The following ZNF804B variants were observed in gnomAD, a reference collection of about 807,000 sequenced individuals.
The protein encoded by ZNF804B is zinc finger 804B.
ZNF804B carries 80 observed loss-of-function variants against 101.4 expected under a neutral mutation model. The observed-to-expected ratio is 0.79, with a 90% CI of 0.66 to 0.95. ZNF804B has a LOEUF of 0.95. ZNF804B is among the 40% of genes least tolerant of loss of function. ZNF804B has a pLI of 0.00. For missense variants in ZNF804B, 1,673 were observed against 1,561.9 expected, an observed-to-expected ratio of 1.07 and a Z score of -1.20; for synonymous variants, 622 against 558.8, an observed-to-expected ratio of 1.11 and a Z score of -1.59.
At chr7:89,119,040 G>T (rs1452746738) in intron 1 of ZNF804B, among the ~76,000 whole-genome samples, 1 of 152,088 alleles carries the variant, frequency 6.6e-6, no homozygotes, top group Non-Finnish European at 1.5e-5. Context: ...TAAGCCAATT[G>T]TATCAGTTAA....
At chr7:89,264,756 A>G (rs550575185) in intron 2 of ZNF804B, among the ~76,000 whole-genome samples, 1 of 152,240 alleles carries the variant, frequency 6.6e-6, no homozygotes, top group South Asian at 2.1e-4. Context: ...ATATATTCTC[A>G]TAATTTAGAA....
At chr7:88,980,063 T>C (rs1793674862) in intron 1 of ZNF804B, among the ~76,000 whole-genome samples, 1 of 151,852 alleles carries the variant, frequency 6.6e-6, no homozygotes, top group Admixed American at 6.6e-5. Context: ...TTCTGCTTGA[T>C]TCTTTTTTTT....
At chr7:89,285,546 AAAGAAGAAGAAGAAG>A (rs774736524) in intron 2 of ZNF804B, among the ~76,000 whole-genome samples, 48 of 93,444 alleles carry the variant, frequency 5.1e-4, no homozygotes, top group African/African-American at 2.2e-3. Context: ...AAAAAAAAAA[AAAGAAGAAGAAGAAG>A]AAGAAGAAGA....
At position 89,266,275 on chromosome 7, in the gene ZNF804B, T is replaced by G. The variant is rs143566285; in HGVS notation, c.249+47980T>G. Among the ~76,000 whole-genome samples, 25 of 152,224 alleles carry G rather than the reference T, an allele frequency of 1.6e-4. No homozygotes were observed. In the East Asian group the frequency reaches 3.3e-3, roughly 20 times the overall value. On this transcript the variant is annotated intron_variant, in intron 2 of 3. Coordinates refer to ENST00000333190, the MANE Select transcript of ZNF804B (RefSeq NM_181646.5). ...CAAGGTTTACTTATTTTTTCTCTTT[T>G]CTCATCATCAGCCAGCTATGAAAAA... is the stretch of plus-strand genomic sequence containing the variant.
intron 1 of ZNF804B, among the ~76,000 whole-genome samples, chr7:89,067,216 G>T (rs1156697996): frequency 6.6e-6 from 1 of 152,142 alleles, no homozygotes; most frequent in Non-Finnish European, 1.5e-5. Flanking sequence ...GACTAAGCAA[G>T]TCTGAAATCA....
At chr7:89,305,833 A>G (rs1202225593) in intron 2 of ZNF804B, among the ~76,000 whole-genome samples, 2 of 152,008 alleles carry the variant, frequency 1.3e-5, no homozygotes, top group South Asian at 2.1e-4. Context: ...TTATTCATCC[A>G]TAGATTTACA....
chr7:89,334,487 G>C lies in ZNF804B; in HGVS notation c.1505G>C (p.Gly502Ala), dbSNP rs1791041146. The C allele has an allele frequency of 2.5e-6, 4 of 1,613,710 alleles. No homozygotes were observed. The highest frequency in any genetic ancestry group is 3.4e-6 in the Non-Finnish European group (4 of 1,179,822). ...CTAGAGGACTTAAAAACAGAATTGG[G>C]TAAGAAGCCCTTGGAATTGAAGACT... The part of the protein sequence containing the change: ...HNLEDLKTEL[G>A]KKPLELKTKR... The change falls in exon 4 of 4, where the codon GGT (glycine) becomes GCT (alanine). Residue 502 changes from glycine (G) to alanine (A), a missense_variant. By Grantham distance (60) the Gly-to-Ala change is moderately conservative. Transcript: ENST00000333190.
intron 1 of ZNF804B, among the ~76,000 whole-genome samples, chr7:88,800,355 GTTTGGTAA>G (rs1790559298): frequency 1.3e-5 from 2 of 152,036 alleles, no homozygotes; most frequent in African/African-American, 4.8e-5. Context: ...ACGGAACAGT[GTTTGGTAA>G]TTACTTATCA....
At chr7:89,021,791 G>T (rs1241566096) in intron 1 of ZNF804B, among the ~76,000 whole-genome samples, 1 of 152,142 alleles carries the variant, frequency 6.6e-6, no homozygotes, top group Admixed American at 6.6e-5. Flanking sequence ...AGGTAAAGTG[G>T]CTACTGGCTC....
intron 1 of ZNF804B, among the ~76,000 whole-genome samples, chr7:89,011,018 A>T (rs1788452626): frequency 6.6e-6 from 1 of 152,186 alleles, no homozygotes; most frequent in Admixed American, 6.5e-5. Flanking sequence ...AGACTGGGTA[A>T]TTTGTAAAGA....
chr7:88,822,684 A>G (rs1395310763), intron 1 of ZNF804B, among the ~76,000 whole-genome samples: 1 of 152,208 alleles, frequency 6.6e-6, no homozygotes, highest in Non-Finnish European at 1.5e-5. Flanking sequence ...CAGCAGCACC[A>G]CAATCTTGTA....
At chr7:89,034,000 A>T (rs910461043) in intron 1 of ZNF804B, among the ~76,000 whole-genome samples, 8 of 152,078 alleles carry the variant, frequency 5.3e-5, no homozygotes, top group Non-Finnish European at 1.0e-4. Flanking sequence ...CACGAAGAAA[A>T]CATAATAATG....
rs558857618 is a variant in ZNF804B, at chr7:88,873,863, G to T, written c.108+113779G>T. Reference sequence around the variant, plus strand: ...TTGGTACCAGTACCACACTGTTTTGGTTACTGTAGCCTTGTAGTATAGTTT... The same window carrying T: ...TTGGTACCAGTACCACACTGTTTTGTTTACTGTAGCCTTGTAGTATAGTTT... On this transcript the variant is annotated intron_variant, in intron 1 of 3. Transcript: ENST00000333190. Among the ~76,000 whole-genome samples, 16 of 152,188 alleles carry T rather than the reference G, an allele frequency of 1.1e-4. No homozygotes were observed. The South Asian group carries it at 3.1e-3, about 30-fold the overall frequency.
intron 1 of ZNF804B, among the ~76,000 whole-genome samples, chr7:88,983,462 G>C (rs1793719459): frequency 6.6e-6 from 1 of 151,952 alleles, no homozygotes; most frequent in Non-Finnish European, 1.5e-5. Context: ...GATGCTACTA[G>C]TTTGGGAATC....
intron 1 of ZNF804B, among the ~76,000 whole-genome samples, chr7:89,035,708 G>T (rs1483141813): frequency 6.6e-6 from 1 of 150,774 alleles, no homozygotes; most frequent in Non-Finnish European, 1.5e-5. Flanking sequence ...AAAATGTAAT[G>T]AGCCAAAAAA....
At chr7:88,991,915 T>A (rs74793231) in intron 1 of ZNF804B, among the ~76,000 whole-genome samples, 7 of 152,266 alleles carry the variant, frequency 4.6e-5, no homozygotes, top group African/African-American at 1.7e-4. Context: ...TTGAGATAAT[T>A]TTCTAAAATG....
At chr7:89,023,145 C>T (rs1584079349) in intron 1 of ZNF804B, among the ~76,000 whole-genome samples, 1 of 152,140 alleles carries the variant, frequency 6.6e-6, no homozygotes, top group African/African-American at 2.4e-5. Context: ...CATCCCATTT[C>T]TAATATTTGA....
At chr7:89,187,315 G>A (rs1788388839) in intron 1 of ZNF804B, among the ~76,000 whole-genome samples, 1 of 151,998 alleles carries the variant, frequency 6.6e-6, no homozygotes, top group African/African-American at 2.4e-5. Context: ...AAATTTTGAT[G>A]GATCATATTC....
chr7:88,860,154 G>A (rs2115854018), intron 1 of ZNF804B, among the ~76,000 whole-genome samples: 1 of 152,042 alleles, frequency 6.6e-6, no homozygotes, highest in Non-Finnish European at 1.5e-5. Context: ...TACCAGATTT[G>A]AGCTGATAGA....
Sources: gnomAD v4.1 joint callset for allele counts (sites outside exome capture counted in the v4.1 genomes callset) on GRCh38, gnomAD v4.1.1 for gene constraint, MANE v1.5 for transcripts, NCBI Gene and HGNC (gene_info 2026-07-23, HGNC 2026-07-21) for gene names.